Variants in WNK3 observed in about 807,000 individuals in gnomAD.
The protein encoded by WNK3 is serine/threonine-protein kinase WNK3.
A neutral mutation model predicts 116.7 loss-of-function variants in WNK3; 18 were observed. That is an observed-to-expected ratio of 0.15 (90% CI 0.11 to 0.23). The LOEUF (loss-of-function observed/expected upper bound fraction) is 0.23, where lower values mean the gene tolerates loss of function less well. Among genes scored for constraint, WNK3 ranks in the 10% least tolerant of loss-of-function variants. The pLI is 1.00. For missense variants in WNK3, 993 were observed against 1,323.8 expected, an observed-to-expected ratio of 0.75 and a Z score of 3.88; for synonymous variants, 404 against 469.4, an observed-to-expected ratio of 0.86 and a Z score of 1.80.
intron 1 of WNK3, among the ~76,000 whole-genome samples, chrX:54,356,794 G>T (rs973276767): frequency 1.8e-5 from 2 of 110,684 alleles, no homozygotes; most frequent in African/African-American, 6.6e-5. Context: ...CATACTATTC[G>T]CATCTGTTTT....
At chrX:54,245,582 C>T (rs2068068038) in intron 17 of WNK3, among the ~76,000 whole-genome samples, 1 of 111,144 alleles carries the variant, frequency 9.0e-6, no homozygotes, top group African/African-American at 3.3e-5. Flanking sequence ...ATATATTTTT[C>T]CTGATGATTT....
At chrX:54,352,590 A>T (rs1258810001) in intron 1 of WNK3, among the ~76,000 whole-genome samples, 1 of 111,362 alleles carries the variant, frequency 9.0e-6, no homozygotes, top group African/African-American at 3.3e-5. Flanking sequence ...TGAGGTGGGA[A>T]GATTGCCTCA....
intron 2 of WNK3, among the ~76,000 whole-genome samples, chrX:54,326,961 C>T (rs1481665730): frequency 8.1e-5 from 9 of 111,038 alleles, no homozygotes; most frequent in East Asian, 5.7e-4. Flanking sequence ...GAAGTCTGAG[C>T]GGGGAAGACT....
chrX:54,310,339 G>A (rs1332593144), intron 3 of WNK3, among the ~76,000 whole-genome samples: 2 of 109,019 alleles, frequency 1.8e-5, no homozygotes, highest in African/African-American at 6.6e-5. Context: ...CCAGGAATTC[G>A]AGACCAGCCT....
Position 54,228,809 on chromosome X carries a change from G to A in WNK3, c.4841-66C>T, listed in dbSNP as rs1222388179. The A allele has an allele frequency of 1.8e-5, 8 of 449,880 alleles. No individual in the cohort carries two copies. The Admixed American group carries it at 3.1e-4, about 17-fold the overall frequency. 37.1% of individuals were successfully genotyped at this position (449,880 alleles called of 1,213,427 possible). A position where few individuals can be genotyped will look rare whatever the true frequency, so the allele number is the denominator to read the frequency against. Reference sequence around the variant, plus strand: ...AATATAAAACAAAAAGATGAAAACTGTAAACCAACATACTTATTGAACTTA... The same window carrying A: ...AATATAAAACAAAAAGATGAAAACTATAAACCAACATACTTATTGAACTTA... On this transcript the variant is annotated intron_variant, in intron 21 of 23. Coordinates refer to ENST00000354646, the Ensembl canonical transcript of WNK3.
At chrX:54,216,720 C>T (rs2067700109) in intron 22 of WNK3, among the ~76,000 whole-genome samples, 1 of 111,906 alleles carries the variant, frequency 8.9e-6, no homozygotes, top group Non-Finnish European at 1.9e-5. Flanking sequence ...TACAAACTGT[C>T]TGAAGTTTGA....
intron 10 of WNK3, among the ~76,000 whole-genome samples, chrX:54,270,614 G>A (rs782392691): frequency 9.2e-6 from 1 of 108,137 alleles, no homozygotes; most frequent in Admixed American, 1.0e-4. Context: ...TGTACAGAAC[G>A]TGCAGGTTTG....
At chrX:54,311,904 A>G (rs189961684) in intron 2 of WNK3, among the ~76,000 whole-genome samples, 1 of 111,413 alleles carries the variant, frequency 9.0e-6, no homozygotes, top group East Asian at 2.8e-4. Context: ...CATCAAGTTT[A>G]AAAGTGAAAA....
At chrX:54,251,408 G>C in exon 15 of WNK3, 1 of 1,173,963 alleles carries the variant, frequency 8.5e-7, no homozygotes, top group Non-Finnish European at 1.1e-6. Flanking sequence ...CTGCTGGTTT[G>C]AGTAGATGTA....
chrX:54,220,480 G>A (rs1371658982), intron 22 of WNK3, among the ~76,000 whole-genome samples: 2 of 110,582 alleles, frequency 1.8e-5, no homozygotes, highest in Middle Eastern at 4.7e-3. Context: ...GAGCCCAGGA[G>A]GTCGAGGCTG....
intron 10 of WNK3, among the ~76,000 whole-genome samples, chrX:54,289,673 G>C (rs1465487602): frequency 9.0e-6 from 1 of 111,123 alleles, no homozygotes; most frequent in African/African-American, 3.3e-5. Context: ...ACTTCTGATG[G>C]GTATGGCTGT....
intron 22 of WNK3, among the ~76,000 whole-genome samples, chrX:54,226,224 C>T (rs962729593): frequency 5.5e-5 from 6 of 109,564 alleles, no homozygotes; most frequent in African/African-American, 1.7e-4. Flanking sequence ...AATCCCAGCA[C>T]TTTGGGAGGC....
rs781929534 is a variant in WNK3 at position 54,238,472 on chromosome X, A to G, written c.3884T>C (p.Val1295Ala). 5.0e-5 allele frequency: 60 copies of G among 1,197,305 alleles called. No homozygotes were observed. The East Asian group carries it at 1.5e-3, about 31-fold the overall frequency. Residue 1295 changes from valine to alanine, a missense_variant and splice_region_variant, in exon 19 of 24, where the codon GTG becomes GCG. Physicochemically the swap from Val to Ala is moderately conservative, Grantham distance 64 (BLOSUM62 0). Around this residue, in one of 4 missense-constraint regions of WNK3, gnomAD observed 836 missense variants for 976.5 expected, o/e 0.86. Transcript: ENST00000354646. Reference sequence around the variant, plus strand: ...TGCTGATCTCATCTCTTCTGTTTCCACTGCAAGTTTTGCCAAATTGTAAGT... The same window carrying G: ...TGCTGATCTCATCTCTTCTGTTTCCGCTGCAAGTTTTGCCAAATTGTAAGT...
At chrX:54,293,578 T>C (rs1419236612) in intron 8 of WNK3, among the ~76,000 whole-genome samples, 3 of 112,050 alleles carry the variant, frequency 2.7e-5, no homozygotes, top group Admixed American at 9.6e-5. Context: ...GAGAATCAGA[T>C]AAAAATCAAC....
chrX:54,307,449 A>T (rs1364677830), intron 5 of WNK3, among the ~76,000 whole-genome samples: 1 of 110,740 alleles, frequency 9.0e-6, no homozygotes, highest in Non-Finnish European at 1.9e-5. Flanking sequence ...CTTATTAGAA[A>T]TGTAAGCTCT....
chrX:54,348,786 G>T (rs1016294210), intron 1 of WNK3, among the ~76,000 whole-genome samples: 1 of 111,454 alleles, frequency 9.0e-6, no homozygotes, highest in Non-Finnish European at 1.9e-5. Context: ...ATAAACAATC[G>T]TTAAAGTCAG....
chrX:54,323,456 T>C (rs1557172683), intron 2 of WNK3, among the ~76,000 whole-genome samples: 3 of 110,952 alleles, frequency 2.7e-5, no homozygotes, highest in African/African-American at 9.8e-5. Context: ...GGCCAGGAGT[T>C]AGAGATCAGC....
chrX:54,237,651 T>C (rs2067978189), intron 19 of WNK3, 100 bp from the exon 20 acceptor site: 2 of 834,336 alleles, frequency 2.4e-6, no homozygotes, highest in East Asian at 3.6e-5. Flanking sequence ...AAAAATTTAA[T>C]CTATACCCCC....
intron 1 of WNK3, among the ~76,000 whole-genome samples, chrX:54,348,869 A>G (rs1443957591): frequency 1.8e-5 from 2 of 112,184 alleles, no homozygotes; most frequent in African/African-American, 6.5e-5. Flanking sequence ...AGTAGGAGAC[A>G]AAACTCAAAA....
Sources: gnomAD v4.1 joint callset for allele counts (sites outside exome capture counted in the v4.1 genomes callset) on GRCh38, gnomAD v4.1.1 for gene constraint, gnomAD v4.1.1 regional missense constraint, MANE v1.5 for transcripts, NCBI Gene and HGNC (gene_info 2026-07-23, HGNC 2026-07-21) for gene names.